GEMIN5: variants seen among roughly 807,000 people sequenced by gnomAD.
The protein encoded by GEMIN5 is gem-associated protein 5.
GEMIN5 carries 124 observed loss-of-function variants against 176.9 expected under a neutral mutation model. The ratio of observed to expected loss-of-function variants is 0.70; its 90% CI spans 0.61 to 0.81. The LOEUF (loss-of-function observed/expected upper bound fraction) is 0.81, where lower values mean the gene tolerates loss of function less well. Among genes scored for constraint, GEMIN5 ranks in the 40% least tolerant of loss-of-function variants. GEMIN5 has a pLI of 0.00. For synonymous variants in GEMIN5, 673 were observed against 665.2 expected (o/e 1.01, Z -0.18); for missense variants, 1,843 against 1,814.6 (o/e 1.02, Z -0.28).
At chr5:154,899,120 G>A (rs1253819265) in intron 22 of GEMIN5, 71 bp downstream of exon 22, 2 of 1,445,184 alleles carry the variant, frequency 1.4e-6, no homozygotes, top group Non-Finnish European at 1.9e-6. Context: ...CTTATTACTT[G>A]TATTCTTGTC....
intron 18 of GEMIN5, 144 bp downstream of exon 18, chr5:154,904,363 G>T: frequency 1.5e-6 from 1 of 681,606 alleles, no homozygotes; most frequent in Non-Finnish European, 2.5e-6. Context: ...ATAGGGATGT[G>T]GAGGGAAGGG....
chr5:154,937,916 C>A, intron 1 of GEMIN5, 52 bp downstream of exon 1: 1 of 1,465,188 alleles, frequency 6.8e-7, no homozygotes, highest in Non-Finnish European at 9.0e-7. Context: ...CTCGGCGCCC[C>A]TGGGGAGCGT....
At chr5:154,901,218 T>G in intron 21 of GEMIN5, 121 bp downstream of exon 21, 1 of 915,182 alleles carries the variant, frequency 1.1e-6, no homozygotes, top group Non-Finnish European at 1.7e-6. Flanking sequence ...GTAGTCCCAG[T>G]TACTCAGGGG....
rs145830930 is a variant in GEMIN5 at position 154,892,457 on chromosome 5, C to A, written c.3690G>T (p.Ala1230=). ...WDEAVQALLR[A]VVRSYDSGSF... ...TCCCTGAGTCATAGCTCCGGACCAC[C>A]GCCCGAAGGAGCGCCTGCACAGCCT... The change falls in exon 25 of 28, where the codon GCG becomes GCT. Residue 1230 remains alanine, a synonymous_variant. Coordinates refer to ENST00000285873, the MANE Select transcript of GEMIN5 (RefSeq NM_015465.5). 68 of 1,614,154 alleles carry A rather than the reference C, an allele frequency of 4.2e-5. No individual in the cohort carries two copies. The East Asian group carries it at 1.3e-3, about 31-fold the overall frequency.
At chr5:154,897,988 C>A (rs569776891) in intron 23 of GEMIN5, among the ~76,000 whole-genome samples, 1 of 151,414 alleles carries the variant, frequency 6.6e-6, no homozygotes, top group African/African-American at 2.4e-5. Flanking sequence ...CAACCTCCGC[C>A]TTCCGGGTTC....
chr5:154,907,656 A>G lies in GEMIN5; in HGVS notation c.2330T>C (p.Val777Ala), dbSNP rs758342334. The G allele has an allele frequency of 5.0e-6, 8 of 1,614,002 alleles. No homozygotes were observed. The African/African-American group carries it at 1.1e-4, about 22-fold the overall frequency. The change falls in exon 16 of 28, where the codon GTG becomes GCG. Residue 777 changes from valine (V) to alanine (A), a missense_variant. By Grantham distance (64) the Val-to-Ala change is moderately conservative (BLOSUM62 0). Coordinates refer to ENST00000285873, the MANE Select transcript of GEMIN5 (RefSeq NM_015465.5). ...TTGCTCCTCCCCTTCTTGGTCTGAC[A>G]CACCATTCTCAACAGGTCCTGAGTT... ...KENSGPVENG[V>A]SDQEGEEQAR...
intron 6 of GEMIN5, 91 bp downstream of exon 6, chr5:154,928,436 C>T (rs1441018867): frequency 7.1e-6 from 8 of 1,125,680 alleles, no homozygotes; most frequent in Non-Finnish European, 9.2e-6. Flanking sequence ...ATAATACAAG[C>T]CTTGGCCATT....
rs771120508 is a variant in GEMIN5, at chr5:154,904,482, G to A, written c.2632+25C>T. 5.0e-6 allele frequency: 8 copies of A among 1,606,410 alleles called. No individual in the cohort carries two copies. In the South Asian group the frequency reaches 6.6e-5, roughly 13 times the overall value. Reference sequence around the variant, plus strand: ...ATACCAGTCCCGGAAGACTATGGATGGGCCAAGGAAGTACATTTTTGTACC... The same window carrying A: ...ATACCAGTCCCGGAAGACTATGGATAGGCCAAGGAAGTACATTTTTGTACC... On this transcript the variant is annotated intron_variant, in intron 18 of 27. Coordinates refer to ENST00000285873, the MANE Select transcript of GEMIN5 (RefSeq NM_015465.5).
intron 23 of GEMIN5, among the ~76,000 whole-genome samples, chr5:154,897,754 C>T (rs1763378932): frequency 1.3e-5 from 2 of 151,762 alleles, no homozygotes; most frequent in Non-Finnish European, 2.9e-5. Flanking sequence ...AGTTTTTTTT[C>T]CATAGCTTAC....
intron 21 of GEMIN5, among the ~76,000 whole-genome samples, chr5:154,899,731 T>C (rs1019001160): frequency 5.9e-5 from 9 of 152,222 alleles, no homozygotes; most frequent in Non-Finnish European, 1.2e-4. Flanking sequence ...AAAGGAAGAA[T>C]GCCCTTAATG....
chr5:154,928,945 CG>C (rs1280280963), intron 5 of GEMIN5, among the ~76,000 whole-genome samples: 1 of 150,818 alleles, frequency 6.6e-6, no homozygotes, highest in South Asian at 2.1e-4. Flanking sequence ...TTTTTTTGGC[CG>C]GGCGCGGTGG....
intron 26 of GEMIN5, 40 bp downstream of exon 26, chr5:154,891,201 G>T (rs1330923338): frequency 6.4e-7 from 1 of 1,566,856 alleles, no homozygotes; most frequent in East Asian, 2.3e-5. Flanking sequence ...AGCCAGCAGG[G>T]TCATTTTTCA....
chr5:154,916,755 A>G (rs1042630119), intron 13 of GEMIN5, among the ~76,000 whole-genome samples: 1 of 152,132 alleles, frequency 6.6e-6, no homozygotes, highest in African/African-American at 2.4e-5. Context: ...GTGGCCTCCT[A>G]AAGTGCCAGG....
intron 8 of GEMIN5, 54 bp downstream of exon 8, chr5:154,925,808 A>G (rs1369427077): frequency 2.0e-6 from 2 of 989,376 alleles, no homozygotes; most frequent in Non-Finnish European, 3.2e-6. Flanking sequence ...GGCATAAAAG[A>G]GAATTATTTG....
chr5:154,932,194 T>C lies in GEMIN5; in HGVS notation c.566A>G (p.His189Arg). ...IDISKKGEVI[H>R]RLRGHDDEIH... Reference sequence around the variant, plus strand: ...TTCATCATCATGGCCTCGAAGCCTATGAATAACTTCTCCTTTCTTACTGAT... The same window carrying C: ...TTCATCATCATGGCCTCGAAGCCTACGAATAACTTCTCCTTTCTTACTGAT... Residue 189 changes from histidine to arginine, a missense_variant, in exon 4 of 28, where the codon CAT becomes CGT. Coordinates refer to ENST00000285873, the MANE Select transcript of GEMIN5 (RefSeq NM_015465.5). 6.2e-7 allele frequency: 1 copy of C among 1,610,956 alleles called. No homozygotes were observed.
At chr5:154,936,740 T>C (rs1051117817) in intron 2 of GEMIN5, among the ~76,000 whole-genome samples, 2 of 152,214 alleles carry the variant, frequency 1.3e-5, no homozygotes, top group Non-Finnish European at 2.9e-5. Context: ...TACTCAACTC[T>C]TGTAGCATGA....
Position 154,932,220 on chromosome 5 carries a change from G to A in GEMIN5, c.540C>T (p.Asp180=). 6.2e-7 allele frequency: 1 copy of A among 1,610,602 alleles called. No individual in the cohort carries two copies. Among genetic ancestry groups the A allele is most frequent in the East Asian group, 2.2e-5 (1 of 44,844 alleles). ...GYKDGIVVII[D]ISKKGEVIHR... is the part of the protein sequence containing the mutation. ...GAATAACTTCTCCTTTCTTACTGAT[G>A]TCAATTATCACCACTATGCCATCCT... Residue 180 remains aspartate (D), a synonymous_variant, in exon 4 of 28, where the codon GAC becomes GAT. Transcript: ENST00000285873.
chr5:154,896,153 G>A lies in GEMIN5; in HGVS notation c.3536C>T (p.Ala1179Val). ...CTTGATGTTCTGCAGCTTCTGAAAG[G>A]CTTCCTGATACTGCTCAGGGGTGTC... ...SLDTPEQYQE[A>V]FQKLQNIKYP... Residue 1179 changes from alanine to valine, a missense_variant, in exon 24 of 28, where the codon GCC becomes GTC. Physicochemically the swap from Ala to Val is moderately conservative, Grantham distance 64 (BLOSUM62 0). Coordinates refer to ENST00000285873, the MANE Select transcript of GEMIN5 (RefSeq NM_015465.5). 1 of 1,613,720 alleles carries A rather than the reference G, an allele frequency of 6.2e-7. No individual in the cohort carries two copies. The highest frequency in any genetic ancestry group is 8.5e-7 in the Non-Finnish European group (1 of 1,179,838).
chr5:154,933,424 C>T (rs898013572), intron 3 of GEMIN5, among the ~76,000 whole-genome samples: 7 of 152,272 alleles, frequency 4.6e-5, no homozygotes, highest in Admixed American at 3.3e-4. Context: ...TAGTACTGCA[C>T]TGTGTGAATA....
Sources: allele counts gnomAD v4.1 joint callset (sites outside exome capture counted in the v4.1 genomes callset), GRCh38; gene constraint gnomAD v4.1.1; transcripts MANE v1.5; gene names NCBI Gene and HGNC (gene_info 2026-07-23, HGNC 2026-07-21).